CDH18: variants seen among roughly 807,000 people sequenced by gnomAD.
The protein encoded by CDH18 is cadherin 18, also known as cadherin-18.
Under a neutral mutation model 67.9 loss-of-function variants are expected in CDH18, and 31 were observed. The observed-to-expected ratio is 0.46, with a 90% confidence interval of 0.34 to 0.62. The LOEUF is 0.62. CDH18 is among the 20% of genes least tolerant of loss of function. CDH18 has a pLI of 0.01. For missense variants in CDH18, 890 were observed against 975.5 expected (o/e 0.91, Z 1.17); for synonymous variants, 362 against 347.2 (o/e 1.04, Z -0.48).
At chr5:20,058,939 G>A (rs565014775) in intron 2 of CDH18, among the ~76,000 whole-genome samples, 2 of 152,102 alleles carry the variant, frequency 1.3e-5, no homozygotes, top group South Asian at 4.2e-4. Flanking sequence ...TCTGGTCCTG[G>A]GCTTTTTTTG....
At chr5:20,501,556 A>ATATATATATATAATATATATATATT (rs1491463446) in intron 1 of CDH18, among the ~76,000 whole-genome samples, 1 of 58,448 alleles carries the variant, frequency 1.7e-5, no homozygotes, top group Non-Finnish European at 3.0e-5. Flanking sequence ...TTATATATAT[A>ATATATATATATAATATATATATATT]ATATATATAT....
intron 3 of CDH18, among the ~76,000 whole-genome samples, chr5:19,825,033 T>G (rs1323963072): frequency 6.6e-6 from 1 of 152,138 alleles, no homozygotes; most frequent in African/African-American, 2.4e-5. Flanking sequence ...TCAGCTGGAA[T>G]GCACAGCTTC....
intron 6 of CDH18, among the ~76,000 whole-genome samples, chr5:19,593,707 C>CCTCCTCCTCCTCCTTCTTCCTCTTCTT: frequency 2.1e-4 from 7 of 33,402 alleles, no homozygotes; most frequent in African/African-American, 7.0e-4. Context: ...TCCTCCTCCT[C>CCTCCTCCTCCTCCTTCTTCCTCTTCTT]CTTCTTCTTC....
At chr5:19,758,278 T>C (rs1771890934) in intron 3 of CDH18, among the ~76,000 whole-genome samples, 1 of 152,182 alleles carries the variant, frequency 6.6e-6, no homozygotes, top group Non-Finnish European at 1.5e-5. Flanking sequence ...TGACATGTAG[T>C]CAAATGTTCA....
At chr5:19,599,386 T>G (rs1036975903) in intron 6 of CDH18, among the ~76,000 whole-genome samples, 17 of 152,198 alleles carry the variant, frequency 1.1e-4, no homozygotes, top group Admixed American at 1.0e-3. Flanking sequence ...AATTTATTTT[T>G]CAAGTATTTA....
chr5:19,853,834 C>T (rs1783977812), intron 2 of CDH18, among the ~76,000 whole-genome samples: 1 of 152,074 alleles, frequency 6.6e-6, no homozygotes, highest in South Asian at 2.1e-4. Flanking sequence ...ACAGAAAATG[C>T]TTACATTGTG....
intron 2 of CDH18, among the ~76,000 whole-genome samples, chr5:20,249,917 C>G (rs1743701091): frequency 6.9e-6 from 1 of 144,980 alleles, no homozygotes; most frequent in African/African-American, 2.5e-5. Context: ...ACTGCTGGCT[C>G]CCACATTGGT....
intron 1 of CDH18, among the ~76,000 whole-genome samples, chr5:20,544,920 T>G (rs970282631): frequency 1.3e-5 from 2 of 152,192 alleles, no homozygotes; most frequent in Admixed American, 6.5e-5. Context: ...AAGTTCCTTC[T>G]GCACATGAGC....
At chr5:20,309,662 G>A (rs534911208) in intron 1 of CDH18, among the ~76,000 whole-genome samples, 1 of 152,148 alleles carries the variant, frequency 6.6e-6, no homozygotes, top group Non-Finnish European at 1.5e-5. Context: ...ACATGTGACA[G>A]ATTTTAGCGG....
chr5:20,086,327 A>T (rs1744945832), intron 2 of CDH18, among the ~76,000 whole-genome samples: 1 of 152,238 alleles, frequency 6.6e-6, no homozygotes. Context: ...CCATCTCCAT[A>T]ACATAAAATT....
intron 4 of CDH18, among the ~76,000 whole-genome samples, chr5:19,723,073 C>T (rs985508661): frequency 2.6e-4 from 39 of 151,760 alleles, no homozygotes; most frequent in African/African-American, 8.9e-4. Context: ...TGTTAACACA[C>T]ACAAAATTTT....
chr5:20,509,973 T>G (rs1754926947), intron 1 of CDH18, among the ~76,000 whole-genome samples: 2 of 152,182 alleles, frequency 1.3e-5, no homozygotes, highest in Non-Finnish European at 2.9e-5. Flanking sequence ...CCATATGGTT[T>G]TCATAATGGC....
Position 20,280,262 on chromosome 5 carries a change from G to A in CDH18, c.-579-24757C>T, listed in dbSNP as rs563729727. On this transcript the variant is annotated intron_variant, in intron 1 of 14. Coordinates refer to the CDH18 transcript ENST00000507958. ...TTAGGGTACATGTGCACAATGTGCA[G>A]GTCTGTTACATATGTACACATGTGC... 2.0e-3 allele frequency among the ~76,000 whole-genome samples: 300 copies of A among 151,506 alleles called. 4 individuals are homozygous for A. The highest frequency in any genetic ancestry group is 6.7e-3 in the African/African-American group (277 of 41,264).
intron 7 of CDH18, among the ~76,000 whole-genome samples, chr5:19,572,277 C>G (rs1170971103): frequency 6.6e-6 from 1 of 152,128 alleles, no homozygotes; most frequent in Admixed American, 6.5e-5. Flanking sequence ...GAAGGTGATT[C>G]GGAGACCAGT....
rs957564627 is a variant in CDH18, at chr5:19,749,146, C to T, written c.229-1910G>A. ...ATTCATCTTTCATGAAGCAGACACC[C>T]GCAAAGTGTCAATAGAGAAACCTAT... On this transcript the variant is annotated intron_variant, in intron 3 of 12. Transcript: ENST00000382275. Among the ~76,000 whole-genome samples, 98 of 151,966 alleles carry T rather than the reference C, an allele frequency of 6.4e-4. 1 individual carries two copies. The highest frequency in any genetic ancestry group is 6.2e-4 in the South Asian group (3 of 4,820).
intron 8 of CDH18, among the ~76,000 whole-genome samples, chr5:19,564,437 T>C (rs886851436): frequency 1.3e-5 from 2 of 152,026 alleles, no homozygotes; most frequent in African/African-American, 4.8e-5. Flanking sequence ...GCCCTAGCTC[T>C]CAGACAACAT....
intron 1 of CDH18, among the ~76,000 whole-genome samples, chr5:20,393,877 T>C (rs1745070790): frequency 1.3e-5 from 2 of 151,944 alleles, no homozygotes; most frequent in Admixed American, 6.6e-5. Flanking sequence ...CAAGGAGAAC[T>C]ATGAAACACT....
intron 2 of CDH18, among the ~76,000 whole-genome samples, chr5:20,127,533 G>A (rs1937206184): frequency 6.6e-6 from 1 of 151,986 alleles, no homozygotes; most frequent in South Asian, 2.1e-4. Context: ...AGGAAATCCC[G>A]TCATATGGGA....
chr5:20,563,639 T>C (rs1263847915), intron 1 of CDH18, among the ~76,000 whole-genome samples: 5 of 152,124 alleles, frequency 3.3e-5, no homozygotes, highest in Non-Finnish European at 7.4e-5. Context: ...TTGGTGTTCA[T>C]GAGTTTGAGA....
Sources: gnomAD v4.1 joint callset for allele counts (sites outside exome capture counted in the v4.1 genomes callset) on GRCh38, gnomAD v4.1.1 for gene constraint, MANE v1.5 for transcripts, NCBI Gene and HGNC (gene_info 2026-07-23, HGNC 2026-07-21) for gene names.